The following FBXO17 variants were observed in gnomAD, a reference collection of about 807,000 sequenced individuals.
The protein encoded by FBXO17 is F-box protein 17.
Under a neutral mutation model 34.1 loss-of-function variants are expected in FBXO17, and 43 were observed. The observed-to-expected ratio is 1.26, with a 90% CI of 0.99 to 1.62. FBXO17 has a LOEUF of 1.62. Among genes scored for constraint, FBXO17 ranks in the 40% most tolerant of loss-of-function variants. FBXO17 has a pLI of 0.00. For missense variants in FBXO17, 424 were observed against 386.7 expected (o/e 1.10, Z -0.81); for synonymous variants, 169 against 166.0 (o/e 1.02, Z -0.14).
chr19:38,966,290 A>ATT (rs1491119474), intron 1 of FBXO17, among the ~76,000 whole-genome samples: 1 of 46,536 alleles, frequency 2.1e-5, no homozygotes, highest in Non-Finnish European at 3.9e-5. Context: ...TAAATTAAAA[A>ATT]TTTTGTGTGT....
intron 1 of FBXO17, among the ~76,000 whole-genome samples, chr19:38,951,738 C>T (rs2144819535): frequency 6.8e-6 from 1 of 148,118 alleles, no homozygotes; most frequent in African/African-American, 2.5e-5. Flanking sequence ...CAACCTCTGT[C>T]TCCCAGGTTC....
At chr19:38,946,688 G>T (rs1347367821) in intron 3 of FBXO17, 121 bp from the exon 4 acceptor site, 2 of 1,410,002 alleles carry the variant, frequency 1.4e-6, no homozygotes, top group South Asian at 1.4e-5. Context: ...CTCAGGGTTT[G>T]CTCTAGCAGA....
chr19:38,956,713 C>G, intron 1 of FBXO17, among the ~76,000 whole-genome samples: 1 of 151,976 alleles, frequency 6.6e-6, no homozygotes, highest in East Asian at 1.9e-4. Flanking sequence ...AAACCTGTCT[C>G]TACTAAAAAT....
intron 1 of FBXO17, among the ~76,000 whole-genome samples, chr19:38,962,088 C>T (rs1471137353): frequency 7.2e-6 from 1 of 139,364 alleles, no homozygotes; most frequent in Non-Finnish European, 1.5e-5. Flanking sequence ...TTGGTTCTAG[C>T]CCACCCAGGG....
At position 38,941,429 on chromosome 19, in the gene FBXO17, T is replaced by A. The variant is rs1974883648; in HGVS notation, c.*1179A>T. 6.6e-6 allele frequency: 1 copy of A among 152,252 alleles called. No individual in the cohort carries two copies. Among genetic ancestry groups the A allele is most frequent in the Non-Finnish European group, 1.5e-5 (1 of 68,044 alleles). The allele number at this position is 152,252 out of a possible 1,614,324, so 9.4% of individuals were successfully genotyped here. ...GGTGTGGAGTGGGAAATCAGGGGTCTCACGGCCTTCAGAGCTGAGAGCCTT... is the reference window on the plus strand; with the variant it reads ...GGTGTGGAGTGGGAAATCAGGGGTCACACGGCCTTCAGAGCTGAGAGCCTT... On this transcript the variant is annotated 3_prime_UTR_variant, in exon 6 of 6. Coordinates refer to ENST00000292852, the MANE Select transcript of FBXO17 (RefSeq NM_024907.7).
intron 1 of FBXO17, among the ~76,000 whole-genome samples, chr19:38,974,037 T>C (rs1975427883): frequency 6.8e-6 from 1 of 147,578 alleles, no homozygotes; most frequent in African/African-American, 2.5e-5. Flanking sequence ...TATATACATA[T>C]ATATATATAC....
intron 1 of FBXO17, among the ~76,000 whole-genome samples, chr19:38,953,637 G>A (rs1975119493): frequency 6.6e-6 from 1 of 152,080 alleles, no homozygotes; most frequent in Non-Finnish European, 1.5e-5. Context: ...CTCCAGCCTG[G>A]GCGGCAAAGT....
chr19:38,969,588 C>CTTT (rs67681512), intron 1 of FBXO17, among the ~76,000 whole-genome samples: 8 of 103,568 alleles, frequency 7.7e-5, no homozygotes, highest in South Asian at 2.7e-4. Flanking sequence ...AACCACTGGG[C>CTTT]TTTTTTTTTT....
intron 3 of FBXO17, among the ~76,000 whole-genome samples, chr19:38,947,784 A>G (rs12982957): frequency 0.74 from 112,703 of 151,386 alleles, 42,856 homozygotes; most frequent in East Asian, 0.97. Flanking sequence ...CTGCAACCTC[A>G]AACTCCTGGG....
rs920529303 is a variant in FBXO17 at position 38,946,463 on chromosome 19, C to T, written c.557+9G>A. 2 of 1,613,856 alleles carry T rather than the reference C, an allele frequency of 1.2e-6. No individual in the cohort carries two copies. Among genetic ancestry groups the T allele is most frequent in the African/African-American group, 2.7e-5 (2 of 74,930 alleles). Reference sequence around the variant, plus strand: ...GCTGCTCTGGGGCAGGGTGCCGCTCCTCACTCACCAGTCAGCCACACAGAT... The same window carrying T: ...GCTGCTCTGGGGCAGGGTGCCGCTCTTCACTCACCAGTCAGCCACACAGAT... On this transcript the variant is annotated intron_variant, in intron 4 of 5. Transcript: ENST00000292852.
chr19:38,950,288 G>T lies in FBXO17; in HGVS notation c.32C>A (p.Pro11Gln). The T allele has an allele frequency of 6.9e-7, 1 of 1,441,184 alleles. No individual in the cohort carries two copies. Among genetic ancestry groups the T allele is most frequent in the South Asian group, 1.5e-5 (1 of 68,526 alleles). The allele number at this position is 1,441,184 out of a possible 1,614,324, so 89.3% of individuals were successfully genotyped here. ...GTCCAGGGCCAGGGATGGGTCCGCC[G>T]GCAGCCGTCGCCGCGATAGCCGGGC... MGARLSRRRL[P>Q]ADPSLALDAL... Residue 11 changes from proline to glutamine, a missense_variant, in exon 2 of 6, where the codon CCG (proline) becomes CAG (glutamine). By Grantham distance (76) the Pro-to-Gln change is moderately conservative (BLOSUM62 -1). Coordinates refer to ENST00000292852, the MANE Select transcript of FBXO17 (RefSeq NM_024907.7).
Position 38,950,261 on chromosome 19 carries a change from G to C in FBXO17, c.59C>G (p.Ala20Gly). The C allele has an allele frequency of 6.7e-7, 1 of 1,502,878 alleles. No individual in the cohort carries two copies. The highest frequency in any genetic ancestry group is 1.3e-5 in the South Asian group (1 of 78,498). 93.1% of individuals were successfully genotyped at this position (1,502,878 alleles called of 1,614,324 possible). Residue 20 changes from alanine (A) to glycine (G), a missense_variant, in exon 2 of 6, where the codon GCG becomes GGG. Ala to Gly is a moderately conservative substitution (Grantham distance 60). Transcript: ENST00000292852. ...LPADPSLALD[A>G]LPPELLVQVL... ...CTGCACCAGCAGCTCCGGGGGCAGC[G>C]CGTCCAGGGCCAGGGATGGGTCCGC... is the stretch of plus-strand genomic sequence containing the variant.
chr19:38,955,949 G>C (rs1975161222), intron 1 of FBXO17, among the ~76,000 whole-genome samples: 1 of 152,008 alleles, frequency 6.6e-6, no homozygotes, highest in Admixed American at 6.6e-5. Context: ...AGCCCCTGTA[G>C]GCTCCTAAAT....
At chr19:38,957,387 C>T (rs1975180803) in intron 1 of FBXO17, among the ~76,000 whole-genome samples, 1 of 152,046 alleles carries the variant, frequency 6.6e-6, no homozygotes, top group Admixed American at 6.6e-5. Context: ...CACTCTGTCG[C>T]CCAGGCTGGA....
intron 3 of FBXO17, 50 bp downstream of exon 3, chr19:38,948,517 C>T: frequency 2.0e-6 from 3 of 1,493,826 alleles, no homozygotes; most frequent in South Asian, 2.4e-5. Context: ...GGGTCCCTTT[C>T]TTTGGGGCCT....
intron 1 of FBXO17, among the ~76,000 whole-genome samples, chr19:38,974,035 TATATATATATACAC>T (rs1368821593): frequency 7.9e-5 from 5 of 62,930 alleles, no homozygotes; most frequent in Admixed American, 3.8e-4. Context: ...TATATATACA[TATATATATATACAC>T]ATATATATAC....
intron 1 of FBXO17, among the ~76,000 whole-genome samples, chr19:38,960,330 T>C (rs1276714136): frequency 6.6e-6 from 1 of 151,596 alleles, no homozygotes; most frequent in East Asian, 1.9e-4. Flanking sequence ...GGATCAGCTA[T>C]GCGGTCCTCA....
At chr19:38,951,040 T>G (rs1217520538) in intron 1 of FBXO17, among the ~76,000 whole-genome samples, 3 of 152,116 alleles carry the variant, frequency 2.0e-5, no homozygotes, top group Non-Finnish European at 4.4e-5. Flanking sequence ...TCCACCCACT[T>G]CGGCCTCTCA....
At chr19:38,974,925 G>A (rs1975441035) in intron 1 of FBXO17, among the ~76,000 whole-genome samples, 1 of 152,118 alleles carries the variant, frequency 6.6e-6, no homozygotes, top group Admixed American at 6.6e-5. Context: ...CATTTTTAAA[G>A]AAGTATTATT....
Sources: gnomAD v4.1 joint callset for allele counts (sites outside exome capture counted in the v4.1 genomes callset) on GRCh38, gnomAD v4.1.1 for gene constraint, MANE v1.5 for transcripts, NCBI Gene and HGNC (gene_info 2026-07-23, HGNC 2026-07-21) for gene names.